The following KCNN2 variants were observed in gnomAD, a reference collection of about 807,000 sequenced individuals.
KCNN2 encodes the protein potassium calcium-activated channel subfamily N member 2.
A neutral mutation model predicts 55.5 loss-of-function variants in KCNN2; 24 were observed. The ratio of observed to expected loss-of-function variants is 0.43; its 90% confidence interval spans 0.31 to 0.61. The LOEUF is 0.61. KCNN2 is among the 20% of genes least tolerant of loss of function. KCNN2 has a pLI of 0.08. For synonymous variants in KCNN2, 431 were observed against 336.1 expected, an observed-to-expected ratio of 1.28 and a Z score of -3.09; for missense variants, 754 against 853.6, an observed-to-expected ratio of 0.88 and a Z score of 1.45.
At chr5:114,384,333 G>C (rs567237595) in intron 2 of KCNN2, among the ~76,000 whole-genome samples, 95 of 152,274 alleles carry the variant, frequency 6.2e-4, no homozygotes, top group Non-Finnish European at 1.1e-3. Flanking sequence ...TCCATAATTA[G>C]TTGTTCCATG....
intron 2 of KCNN2, 41 bp downstream of exon 2, chr5:114,364,042 A>G (rs553659381): frequency 4.8e-6 from 7 of 1,465,794 alleles, no homozygotes; most frequent in Non-Finnish European, 6.7e-6. Flanking sequence ...CCAAAGCCCT[A>G]CAGTCAGCCT....
chr5:114,296,684 A>G (rs1756018341), intron 2 of KCNN2, among the ~76,000 whole-genome samples: 1 of 152,204 alleles, frequency 6.6e-6, no homozygotes, highest in Non-Finnish European at 1.5e-5. Context: ...GGAACTATTT[A>G]TAGCTTTTCA....
rs1759518981 is a variant in KCNN2, at chr5:114,423,173, TGCCTGGC to T, written c.1637+18318_1637+18324del. On this transcript the variant is annotated intron_variant, in intron 3 of 7. Transcript: ENST00000673685. Reference sequence around the variant, plus strand: ...GGGATGATAGCTCTTATTTTCTCTGTGCCTGGCACCAAGCACTAAACCTGGAACAGAA... The same window carrying T: ...GGGATGATAGCTCTTATTTTCTCTGTACCAAGCACTAAACCTGGAACAGAA... Among the ~76,000 whole-genome samples, 4 of 152,348 alleles carry T rather than the reference TGCCTGGC, an allele frequency of 2.6e-5. No individual in the cohort carries two copies. In the South Asian group the frequency reaches 6.2e-4, roughly 24 times the overall value.
intron 2 of KCNN2, among the ~76,000 whole-genome samples, chr5:114,381,744 T>C (rs1222300974): frequency 2.0e-5 from 3 of 152,232 alleles, no homozygotes; most frequent in East Asian, 3.8e-4. Flanking sequence ...CGTTTGTTAC[T>C]GGTTTTTAAG....
chr5:114,246,185 G>A (rs961158272), intron 2 of KCNN2, among the ~76,000 whole-genome samples: 1 of 152,052 alleles, frequency 6.6e-6, no homozygotes, highest in Non-Finnish European at 1.5e-5. Context: ...AGTACTTGTT[G>A]TAGATATAAA....
intron 2 of KCNN2, among the ~76,000 whole-genome samples, chr5:114,293,894 T>C (rs1042935972): frequency 6.6e-6 from 1 of 152,202 alleles, no homozygotes; most frequent in Non-Finnish European, 1.5e-5. Flanking sequence ...TATTCAGAGA[T>C]TCAACTTCTT....
intron 2 of KCNN2, among the ~76,000 whole-genome samples, chr5:114,295,345 G>A (rs1033913112): frequency 1.3e-5 from 2 of 152,182 alleles, no homozygotes; most frequent in African/African-American, 2.4e-5. Flanking sequence ...GCTGTGTTGG[G>A]CTCCACCCAG....
chr5:114,116,569 C>T (rs962621502), intron 1 of KCNN2, among the ~76,000 whole-genome samples: 2 of 152,106 alleles, frequency 1.3e-5, no homozygotes, highest in Non-Finnish European at 2.9e-5. Flanking sequence ...TGTTTACCCA[C>T]TTAAGCAAAT....
intron 1 of KCNN2, among the ~76,000 whole-genome samples, chr5:114,135,044 T>C (rs1256804062): frequency 6.6e-6 from 1 of 152,136 alleles, no homozygotes. Flanking sequence ...TTAAAAGGCA[T>C]AAGATGGAGA....
chr5:114,286,439 A>G (rs1308889796), intron 2 of KCNN2, among the ~76,000 whole-genome samples: 1 of 152,178 alleles, frequency 6.6e-6, no homozygotes, highest in Non-Finnish European at 1.5e-5. Flanking sequence ...AGAAGTTGAA[A>G]CCAAGAAAAA....
chr5:114,190,323 A>G (rs915074243), intron 1 of KCNN2, among the ~76,000 whole-genome samples: 1 of 152,162 alleles, frequency 6.6e-6, no homozygotes, highest in African/African-American at 2.4e-5. Flanking sequence ...AAATTTACCA[A>G]CAGGAATCAA....
intron 2 of KCNN2, among the ~76,000 whole-genome samples, chr5:114,316,299 T>C (rs1208833553): frequency 1.3e-5 from 2 of 152,086 alleles, no homozygotes; most frequent in Non-Finnish European, 2.9e-5. Context: ...ATAAGACAAA[T>C]AGAAGCAAAA....
chr5:114,123,028 T>C (rs1347713505), intron 1 of KCNN2, among the ~76,000 whole-genome samples: 1 of 152,214 alleles, frequency 6.6e-6, no homozygotes, highest in Non-Finnish European at 1.5e-5. Flanking sequence ...GCAGACTTAA[T>C]GTGTGACAGA....
At chr5:114,310,929 A>C (rs1244097586) in intron 2 of KCNN2, among the ~76,000 whole-genome samples, 1 of 152,134 alleles carries the variant, frequency 6.6e-6, no homozygotes. Context: ...TCTAAGGTAC[A>C]ATATATCATG....
intron 2 of KCNN2, among the ~76,000 whole-genome samples, chr5:114,243,444 C>G (rs1320775781): frequency 6.6e-6 from 1 of 151,260 alleles, no homozygotes; most frequent in Non-Finnish European, 1.5e-5. Context: ...CTCGCAGTGT[C>G]TGGCCCCATC....
At chr5:114,392,440 C>T (rs570865294) in intron 2 of KCNN2, among the ~76,000 whole-genome samples, 57 of 152,252 alleles carry the variant, frequency 3.7e-4, no homozygotes, top group African/African-American at 1.3e-3. Context: ...CACATTCCTC[C>T]TCCTGGGTGG....
intron 1 of KCNN2, among the ~76,000 whole-genome samples, chr5:114,104,546 C>A (rs1751439665): frequency 6.6e-6 from 1 of 151,890 alleles, no homozygotes; most frequent in South Asian, 2.1e-4. Context: ...TTTCAAAGAA[C>A]CAAGTGTAGC....
intron 2 of KCNN2, among the ~76,000 whole-genome samples, chr5:114,340,665 T>C (rs561858964): frequency 2.1e-3 from 151 of 71,276 alleles, no homozygotes; most frequent in African/African-American, 5.4e-3. Context: ...TGTGTGTGTG[T>C]GCATGTGTGT....
chr5:114,100,859 T>C (rs1275552733), intron 1 of KCNN2, among the ~76,000 whole-genome samples: 6 of 152,036 alleles, frequency 3.9e-5, no homozygotes, highest in Non-Finnish European at 7.4e-5. Flanking sequence ...AGGAAAAGAA[T>C]AGTGAAATAG....
Sources: allele counts gnomAD v4.1 joint callset (sites outside exome capture counted in the v4.1 genomes callset), GRCh38; gene constraint gnomAD v4.1.1; transcripts MANE v1.5; gene names NCBI Gene and HGNC (gene_info 2026-07-23, HGNC 2026-07-21).